ROBO1: variants seen among roughly 807,000 people sequenced by gnomAD.
ROBO1 encodes roundabout guidance receptor 1, also known as roundabout homolog 1.
Under a neutral mutation model 195.9 loss-of-function variants are expected in ROBO1, and 149 were observed. That is an observed-to-expected ratio of 0.76 (90% CI 0.67 to 0.87). The LOEUF (loss-of-function observed/expected upper bound fraction) is 0.87, where lower values mean the gene tolerates loss of function less well. Among genes scored for constraint, ROBO1 ranks in the 40% least tolerant of loss-of-function variants. ROBO1 has a pLI of 0.00. For missense variants in ROBO1, 1,933 were observed against 2,068.3 expected (o/e 0.93, Z 1.27); for synonymous variants, 816 against 733.2 (o/e 1.11, Z -1.82).
chr3:79,665,915 A>C (rs1218589941), intron 1 of ROBO1, among the ~76,000 whole-genome samples: 1 of 152,036 alleles, frequency 6.6e-6, no homozygotes, highest in Non-Finnish European at 1.5e-5. Flanking sequence ...ACAGTGAAAG[A>C]TGATACTTGT....
chr3:79,590,370 T>C (rs1943960723), intron 1 of ROBO1, among the ~76,000 whole-genome samples: 1 of 151,758 alleles, frequency 6.6e-6, no homozygotes, highest in South Asian at 2.1e-4. Flanking sequence ...TATGCTGCTT[T>C]GGTGATATAG....
rs1471199489 is a variant in ROBO1, at chr3:78,719,266, A to ACT, written c.658-1385_658-1384dup. On this transcript the variant is annotated intron_variant, in intron 5 of 30. Coordinates refer to ENST00000464233, the MANE Select transcript of ROBO1 (RefSeq NM_002941.4). ...CTCCAAATACTGTTGTTGAACGTAA[A>ACT]CTACTATTGTTAGTCTGTTATCCAA... is the stretch of plus-strand genomic sequence containing the variant. Among the ~76,000 whole-genome samples the ACT allele has an allele frequency of 2.6e-5, 4 of 152,158 alleles. No homozygotes were observed. The East Asian group carries it at 7.7e-4, about 29-fold the overall frequency.
At chr3:79,109,696 AC>A (rs2079850154) in intron 3 of ROBO1, among the ~76,000 whole-genome samples, 1 of 152,112 alleles carries the variant, frequency 6.6e-6, no homozygotes, top group Admixed American at 6.6e-5. Context: ...ATTAGAACTA[AC>A]CGAATAGCAC....
chr3:79,575,597 TA>T (rs1285523135), intron 2 of ROBO1, among the ~76,000 whole-genome samples: 2 of 144,698 alleles, frequency 1.4e-5, no homozygotes, highest in African/African-American at 5.1e-5. Context: ...TATATATATA[TA>T]ATTTTCTTGT....
In ROBO1 at chr3:78,714,448, C is replaced by T; in HGVS notation, c.994G>A (p.Ala332Thr). The T allele has an allele frequency of 3.7e-6, 6 of 1,613,410 alleles. No individual in the cohort carries two copies. The highest frequency in any genetic ancestry group is 4.2e-6 in the Non-Finnish European group (5 of 1,179,584). ...TCAGCTTTGCCCACCATATTTTCTG[C>T]AACACAAGTGTATGAACCCATGTCA... The part of the protein sequence containing the change: ...AGDMGSYTCV[A>T]ENMVGKAEAS... Residue 332 changes from alanine (A) to threonine (T), a missense_variant, in exon 8 of 31, where the codon GCA becomes ACA. Ala to Thr is a moderately conservative substitution (Grantham distance 58). This residue lies in a region of ROBO1 where 1,737 missense variants were observed against 1,882.5 expected (regional missense o/e 0.92). Transcript: ENST00000464233.
intron 2 of ROBO1, among the ~76,000 whole-genome samples, chr3:79,552,002 A>G (rs867508530): frequency 8.0e-6 from 1 of 125,260 alleles, no homozygotes; most frequent in Non-Finnish European, 1.7e-5. Flanking sequence ...AAAAAAAAAA[A>G]AAAAAAAAAA....
intron 2 of ROBO1, among the ~76,000 whole-genome samples, chr3:79,530,357 CGAGA>C (rs1941597944): frequency 6.6e-6 from 1 of 151,944 alleles, no homozygotes; most frequent in African/African-American, 2.4e-5. Context: ...CTACTGAGTT[CGAGA>C]GAGATTTTTT....
At chr3:79,498,287 A>T (rs1433353629) in intron 2 of ROBO1, among the ~76,000 whole-genome samples, 1 of 152,176 alleles carries the variant, frequency 6.6e-6, no homozygotes, top group Non-Finnish European at 1.5e-5. Flanking sequence ...TTCCTAATTT[A>T]TACCGCCATA....
chr3:79,630,978 C>A (rs959271491), intron 1 of ROBO1, among the ~76,000 whole-genome samples: 1 of 151,468 alleles, frequency 6.6e-6, no homozygotes, highest in Non-Finnish European at 1.5e-5. Flanking sequence ...ATTGGGATGA[C>A]AAAAAGAAAT....
intron 4 of ROBO1, 38 bp downstream of exon 4, chr3:78,938,563 A>G: frequency 6.5e-7 from 1 of 1,547,604 alleles, no homozygotes; most frequent in South Asian, 1.2e-5. Flanking sequence ...CCACTCTGCC[A>G]CTCCCTCTGC....
chr3:79,702,776 G>A (rs988187936), intron 1 of ROBO1, among the ~76,000 whole-genome samples: 1 of 151,948 alleles, frequency 6.6e-6, no homozygotes, highest in African/African-American at 2.4e-5. Flanking sequence ...TGTCAGTGGT[G>A]TAATAGCCAG....
At chr3:79,115,619 T>TG (rs1302993937) in intron 3 of ROBO1, among the ~76,000 whole-genome samples, 1 of 152,272 alleles carries the variant, frequency 6.6e-6, no homozygotes, top group East Asian at 1.9e-4. Context: ...TAGCCCAGTC[T>TG]GCTCATTGCA....
At chr3:78,934,123 C>T (rs2039673498) in intron 4 of ROBO1, among the ~76,000 whole-genome samples, 1 of 151,960 alleles carries the variant, frequency 6.6e-6, no homozygotes, top group Non-Finnish European at 1.5e-5. Context: ...AATAATCTTT[C>T]AGTTCTCCAG....
intron 2 of ROBO1, among the ~76,000 whole-genome samples, chr3:79,260,145 T>C (rs950106239): frequency 8.6e-5 from 13 of 151,738 alleles, no homozygotes; most frequent in African/African-American, 2.7e-4. Context: ...CATAATGTTA[T>C]TGAAAGTCAG....
At chr3:79,056,925 C>T (rs1356071166) in intron 3 of ROBO1, among the ~76,000 whole-genome samples, 1 of 152,014 alleles carries the variant, frequency 6.6e-6, no homozygotes, top group Non-Finnish European at 1.5e-5. Flanking sequence ...GTGTAGAATA[C>T]TTAAAATTTC....
intron 2 of ROBO1, among the ~76,000 whole-genome samples, chr3:79,487,183 A>AGTTAAAAAACTTGTTTTTTAACAAATAT (rs142897921): frequency 6.7e-6 from 1 of 149,974 alleles, no homozygotes; most frequent in East Asian, 2.0e-4. Flanking sequence ...ATGTATAAGA[A>AGTTAAAAAACTTGTTTTTTAACAAATAT]GTTAAAAAAC....
intron 4 of ROBO1, among the ~76,000 whole-genome samples, chr3:78,936,745 A>G (rs1033354112): frequency 6.6e-6 from 1 of 152,110 alleles, no homozygotes; most frequent in African/African-American, 2.4e-5. Flanking sequence ...TTGTATATAC[A>G]GCAGTCCTGT....
At chr3:79,359,380 C>T (rs1405694232) in intron 2 of ROBO1, among the ~76,000 whole-genome samples, 1 of 151,958 alleles carries the variant, frequency 6.6e-6, no homozygotes, top group African/African-American at 2.4e-5. Flanking sequence ...TTATGAAATA[C>T]ATTTTCCATA....
intron 1 of ROBO1, among the ~76,000 whole-genome samples, chr3:79,619,692 A>T (rs1384917196): frequency 6.6e-6 from 1 of 152,132 alleles, no homozygotes; most frequent in Admixed American, 6.6e-5. Context: ...ATCAGTTAGC[A>T]TTTAGGCTCT....
Sources: allele counts gnomAD v4.1 joint callset (sites outside exome capture counted in the v4.1 genomes callset), GRCh38; gene constraint gnomAD v4.1.1; regional missense constraint gnomAD v4.1.1; transcripts MANE v1.5; gene names NCBI Gene and HGNC (gene_info 2026-07-23, HGNC 2026-07-21).